JMJD1C: variants seen among roughly 807,000 people sequenced by gnomAD.
The protein encoded by JMJD1C is jumonji domain-containing protein 1C.
A neutral mutation model predicts 245.3 loss-of-function variants in JMJD1C; 31 were observed. The ratio of observed to expected loss-of-function variants is 0.13; its 90% CI spans 0.09 to 0.17. The LOEUF (loss-of-function observed/expected upper bound fraction) is 0.17. Ranked by LOEUF, JMJD1C falls within the 10% of genes least tolerant of loss-of-function variation. The pLI is 1.00. For synonymous variants in JMJD1C, 1,057 were observed against 1,017.4 expected, an observed-to-expected ratio of 1.04 and a Z score of -0.74; for missense variants, 2,691 against 3,000.2, an observed-to-expected ratio of 0.90 and a Z score of 2.41.
At chr10:63,337,599 AAAAG>A (rs1429484408) in intron 2 of JMJD1C, among the ~76,000 whole-genome samples, 2,460 of 112,724 alleles carry the variant, frequency 0.022, 225 homozygotes, top group African/African-American at 0.079. Flanking sequence ...AAAAGAAAAG[AAAAG>A]AAAAGAAAAG....
At chr10:63,472,976 G>C (rs943558994) in intron 1 of JMJD1C, among the ~76,000 whole-genome samples, 1 of 151,602 alleles carries the variant, frequency 6.6e-6, no homozygotes, top group African/African-American at 2.4e-5. Flanking sequence ...GTAGAGACAG[G>C]GTCTCATCAT....
chr10:63,437,189 G>A (rs1381588664), intron 1 of JMJD1C, among the ~76,000 whole-genome samples: 1 of 152,134 alleles, frequency 6.6e-6, no homozygotes, highest in Non-Finnish European at 1.5e-5. Context: ...AATGAATGAT[G>A]AATTCATCAA....
intron 3 of JMJD1C, chr10:63,222,537 A>AACTCAAAT: frequency 6.8e-7 from 1 of 1,468,700 alleles, no homozygotes; most frequent in Non-Finnish European, 9.5e-7. Flanking sequence ...AAAGATACTC[A>AACTCAAAT]ACTCAAATAC....
intron 2 of JMJD1C, among the ~76,000 whole-genome samples, chr10:63,377,745 A>T (rs1297071465): frequency 6.6e-6 from 1 of 151,900 alleles, no homozygotes; most frequent in Non-Finnish European, 1.5e-5. Flanking sequence ...AAAAAAAAAA[A>T]TTTAGCTAGG....
intron 1 of JMJD1C, among the ~76,000 whole-genome samples, chr10:63,422,772 G>A (rs1319603179): frequency 6.6e-6 from 1 of 152,160 alleles, no homozygotes; most frequent in Non-Finnish European, 1.5e-5. Flanking sequence ...TCAAATGGAT[G>A]ATATAGCCTT....
At chr10:63,409,058 T>G (rs1212086845) in intron 1 of JMJD1C, among the ~76,000 whole-genome samples, 4 of 152,228 alleles carry the variant, frequency 2.6e-5, no homozygotes, top group African/African-American at 9.6e-5. Flanking sequence ...ACTAAGTAGC[T>G]AACCAAAAAT....
At chr10:63,378,231 T>C (rs1946923728) in intron 2 of JMJD1C, among the ~76,000 whole-genome samples, 1 of 152,044 alleles carries the variant, frequency 6.6e-6, no homozygotes, top group Non-Finnish European at 1.5e-5. Flanking sequence ...CCAATAAAAA[T>C]TCTCTCTAAA....
intron 24 of JMJD1C, among the ~76,000 whole-genome samples, chr10:63,175,022 C>T (rs1362337124): frequency 2.0e-5 from 3 of 152,130 alleles, no homozygotes; most frequent in African/African-American, 7.2e-5. Context: ...AAAATGACTA[C>T]ACTACCTAGG....
At chr10:63,469,593 G>A (rs1953425260), upstream of JMJD1C, among the ~76,000 whole-genome samples, 1 of 152,142 alleles carries the variant, frequency 6.6e-6, no homozygotes, top group Non-Finnish European at 1.5e-5. Context: ...TTATCCTTGA[G>A]AAGCTCACAG....
chr10:63,206,560 A>G (rs1389332903), intron 10 of JMJD1C, 35 bp downstream of exon 10: 1 of 1,508,252 alleles, frequency 6.6e-7, no homozygotes. Flanking sequence ...CATTCAGCCC[A>G]TTTTACCTGA....
At chr10:63,315,857 C>A (rs1939966541) in intron 2 of JMJD1C, among the ~76,000 whole-genome samples, 1 of 144,102 alleles carries the variant, frequency 6.9e-6, no homozygotes, top group Non-Finnish European at 1.5e-5. Context: ...AAAAAAAACA[C>A]CACGAAAAAA....
intron 3 of JMJD1C, among the ~76,000 whole-genome samples, chr10:63,252,066 T>A (rs370506623): frequency 6.6e-6 from 1 of 152,016 alleles, no homozygotes; most frequent in East Asian, 1.9e-4. Flanking sequence ...TCTATACCTA[T>A]CCCAATGGCT....
At chr10:63,187,321 TTGC>T (rs1263968070) in intron 18 of JMJD1C, among the ~76,000 whole-genome samples, 5 of 152,236 alleles carry the variant, frequency 3.3e-5, no homozygotes, top group Non-Finnish European at 7.3e-5. Context: ...TCCAATAATA[TTGC>T]TGCTATTAGG....
At chr10:63,269,015 A>T (rs2133818017) in intron 2 of JMJD1C, 3 of 985,440 alleles carry the variant, frequency 3.0e-6, no homozygotes, top group Non-Finnish European at 3.6e-6. Context: ...GGTGTTAACG[A>T]CTAAGAAATC....
intron 1 of JMJD1C, among the ~76,000 whole-genome samples, chr10:63,436,568 T>C (rs1232987988): frequency 6.6e-6 from 1 of 152,200 alleles, no homozygotes; most frequent in African/African-American, 2.4e-5. Context: ...TAAAATGTTA[T>C]TCATCATGCC....
chr10:63,491,229 T>C (rs537560529), intron 1 of JMJD1C, among the ~76,000 whole-genome samples: 8 of 152,314 alleles, frequency 5.3e-5, no homozygotes, highest in African/African-American at 1.9e-4. Flanking sequence ...TCATCTCATT[T>C]TACTATTATA....
chr10:63,313,338 CCTT>C (rs1318820782), intron 2 of JMJD1C, among the ~76,000 whole-genome samples: 1 of 152,114 alleles, frequency 6.6e-6, no homozygotes, highest in Non-Finnish European at 1.5e-5. Flanking sequence ...TTTATCCACT[CCTT>C]GATTGATGAG....
chr10:63,184,784 GC>G (rs1382617398), intron 20 of JMJD1C, 46 bp from the exon 21 acceptor site: 1 of 1,537,494 alleles, frequency 6.5e-7, no homozygotes, highest in Non-Finnish European at 8.8e-7. Flanking sequence ...GATTTGCATT[GC>G]TAAGTATTTT....
chr10:63,305,215 C>A (rs1380525213), intron 2 of JMJD1C, among the ~76,000 whole-genome samples: 1 of 151,244 alleles, frequency 6.6e-6, no homozygotes, highest in Non-Finnish European at 1.5e-5. Context: ...AAAAATAAAA[C>A]AAATTAGCTG....
Sources: gnomAD v4.1 joint callset for allele counts (sites outside exome capture counted in the v4.1 genomes callset) on GRCh38, gnomAD v4.1.1 for gene constraint, MANE v1.5 for transcripts, NCBI Gene and HGNC (gene_info 2026-07-23, HGNC 2026-07-21) for gene names.